RAB6B: variants seen among roughly 807,000 people sequenced by gnomAD.
RAB6B encodes RAB6B, member RAS oncogene family, also known as ras-related protein Rab-6B.
In RAB6B, 7 loss-of-function variants were observed where a neutral mutation model predicts 31.2. That is an observed-to-expected ratio of 0.22 (90% CI 0.13 to 0.42). The LOEUF is 0.42. Ranked by LOEUF, RAB6B falls within the 10% of genes least tolerant of loss-of-function variation. RAB6B has a pLI of 1.00. For missense variants in RAB6B, 149 were observed against 280.6 expected, an observed-to-expected ratio of 0.53 and a Z score of 3.35; for synonymous variants, 105 against 104.9, an observed-to-expected ratio of 1.00 and a Z score of -0.01.
intron 1 of RAB6B, among the ~76,000 whole-genome samples, chr3:133,870,621 A>G (rs372952825): frequency 2.0e-5 from 3 of 152,180 alleles, no homozygotes; most frequent in East Asian, 3.9e-4. Flanking sequence ...CCTGAGCCCA[A>G]GACAACTGGA....
chr3:133,841,562 C>A (rs1024928402), intron 3 of RAB6B, 48 bp downstream of exon 3: 4 of 1,604,316 alleles, frequency 2.5e-6, no homozygotes, highest in Non-Finnish European at 3.4e-6. Context: ...GGGGATAAGC[C>A]CAAAGGAACC....
In RAB6B at chr3:133,895,780, G is replaced by A. The variant is rs1224840965; in HGVS notation, c.-314C>T. On this transcript the variant is annotated 5_prime_UTR_variant, in exon 1 of 8. Coordinates refer to ENST00000285208, the MANE Select transcript of RAB6B (RefSeq NM_016577.4). The stretch of plus-strand genomic sequence containing the variant: ...GCGGCGCTGGGAGAGAGGCGCGGGC[G>A]GAGCGGGGCGCAGGGACGGCGCGCG... The A allele has an allele frequency of 5.6e-6, 2 of 360,256 alleles. No individual in the cohort carries two copies. The highest frequency in any genetic ancestry group is 7.7e-5 in the South Asian group (1 of 13,016). The allele number at this position is 360,256 out of a possible 1,614,324, so 22.3% of individuals were successfully genotyped here. A position where few individuals can be genotyped will look rare whatever the true frequency, so the allele number is the denominator to read the frequency against.
At chr3:133,858,794 C>G (rs187973827) in intron 2 of RAB6B, among the ~76,000 whole-genome samples, 1 of 152,156 alleles carries the variant, frequency 6.6e-6, no homozygotes, top group African/African-American at 2.4e-5. Flanking sequence ...TGCAGCCCTG[C>G]CAACAGCCCA....
intron 2 of RAB6B, among the ~76,000 whole-genome samples, chr3:133,855,320 C>T (rs1449699073): frequency 6.6e-6 from 1 of 152,212 alleles, no homozygotes; most frequent in Non-Finnish European, 1.5e-5. Context: ...GCTCAGAAGG[C>T]CACAGTACGG....
chr3:133,866,088 G>A (rs946775836), intron 1 of RAB6B, among the ~76,000 whole-genome samples: 1 of 152,166 alleles, frequency 6.6e-6, no homozygotes, highest in Non-Finnish European at 1.5e-5. Flanking sequence ...GACTTCAGGG[G>A]GCTGTAGTAA....
chr3:133,874,431 T>C (rs1333706058), intron 1 of RAB6B, among the ~76,000 whole-genome samples: 1 of 152,204 alleles, frequency 6.6e-6, no homozygotes, highest in Non-Finnish European at 1.5e-5. Context: ...TCAGTGGTAT[T>C]TGTGTATCCA....
intron 1 of RAB6B, 81 bp downstream of exon 1, chr3:133,895,316 G>T: frequency 6.8e-7 from 1 of 1,477,174 alleles, no homozygotes; most frequent in Non-Finnish European, 9.4e-7. Context: ...CCGAGCCTGG[G>T]CCGGGGGTCC....
At position 133,825,740 on chromosome 3, in the gene RAB6B, T is replaced by G. The variant is rs1240317628; in HGVS notation, c.*3048A>C. On this transcript the variant is annotated 3_prime_UTR_variant, in exon 8 of 8. Coordinates refer to ENST00000285208, the MANE Select transcript of RAB6B (RefSeq NM_016577.4). The stretch of plus-strand genomic sequence containing the variant: ...GAGCTTTGTTGATAAGCTTTTAAGA[T>G]TCACCCCCTTCACTCCCACCATCCC... The G allele has an allele frequency of 1.3e-5, 2 of 152,208 alleles. No individual in the cohort carries two copies. Among genetic ancestry groups the G allele is most frequent in the Non-Finnish European group, 2.9e-5 (2 of 68,050 alleles). The allele number at this position is 152,208 out of a possible 1,614,324, so 9.4% of individuals were successfully genotyped here.
In RAB6B at chr3:133,849,866, G is replaced by T. The variant is rs1371451815; in HGVS notation, c.130-8203C>A. Among the ~76,000 whole-genome samples the T allele has an allele frequency of 5.9e-5, 9 of 152,168 alleles. No individual in the cohort carries two copies. The East Asian group carries it at 1.7e-3, about 29-fold the overall frequency. ...CTCTCTAAGGACAGAATAGAAACAA[G>T]AACTTTTAAGAGGGCCTTGGCTGGG... On this transcript the variant is annotated intron_variant, in intron 2 of 7. Coordinates refer to ENST00000285208, the MANE Select transcript of RAB6B (RefSeq NM_016577.4).
rs1437865541 is a variant in RAB6B, at chr3:133,826,493, T to G, written c.*2295A>C. 5.2e-5 allele frequency: 8 copies of G among 152,688 alleles called. No individual in the cohort carries two copies. The highest frequency in any genetic ancestry group is 1.0e-4 in the Non-Finnish European group (7 of 68,052). 9.5% of individuals were successfully genotyped at this position (152,688 alleles called of 1,614,324 possible). The stretch of plus-strand genomic sequence containing the variant: ...GCAGATTCCTGTAAATGGGGCGGTC[T>G]CAGAGGCCACAGGTGATGGCCCCCG... On this transcript the variant is annotated 3_prime_UTR_variant, in exon 8 of 8. Coordinates refer to ENST00000285208, the MANE Select transcript of RAB6B (RefSeq NM_016577.4).
chr3:133,876,506 G>T (rs1195022933), intron 1 of RAB6B, among the ~76,000 whole-genome samples: 2 of 152,048 alleles, frequency 1.3e-5, no homozygotes, highest in Non-Finnish European at 2.9e-5. Context: ...TAAGGCAAAA[G>T]TTATGTAAGC....
At chr3:133,841,560 G>A in intron 3 of RAB6B, 50 bp downstream of exon 3, 1 of 1,597,982 alleles carries the variant, frequency 6.3e-7, no homozygotes. Context: ...TAGGGGATAA[G>A]CCCAAAGGAA....
At chr3:133,891,710 A>G (rs1415794910) in intron 1 of RAB6B, among the ~76,000 whole-genome samples, 1 of 152,218 alleles carries the variant, frequency 6.6e-6, no homozygotes, top group Non-Finnish European at 1.5e-5. Context: ...ACAAATGACT[A>G]AACAACTGAG....
chr3:133,835,472 CTGTGTGTGTGTG>C (rs3840183), intron 6 of RAB6B, among the ~76,000 whole-genome samples: 5 of 146,744 alleles, frequency 3.4e-5, no homozygotes, highest in Middle Eastern at 3.5e-3. Flanking sequence ...TGTGGGTTTT[CTGTGTGTGTGTG>C]TGTGTGTGTG....
At chr3:133,844,165 A>G (rs527248310) in intron 2 of RAB6B, among the ~76,000 whole-genome samples, 27 of 152,290 alleles carry the variant, frequency 1.8e-4, no homozygotes, top group African/African-American at 6.5e-4. Context: ...TGCCACTTGG[A>G]TGAAGTCCCA....
At chr3:133,891,159 G>A (rs904242070) in intron 1 of RAB6B, among the ~76,000 whole-genome samples, 2 of 152,142 alleles carry the variant, frequency 1.3e-5, no homozygotes, top group Admixed American at 6.5e-5. Context: ...CAGGCTGCGG[G>A]CAGAGGAGTG....
In RAB6B at chr3:133,828,732, T is replaced by C. The variant is rs749716053; in HGVS notation, c.*56A>G. The C allele has an allele frequency of 3.7e-5, 50 of 1,340,770 alleles. No homozygotes were observed. Among genetic ancestry groups the C allele is most frequent in the Non-Finnish European group, 5.0e-5 (49 of 985,980 alleles). 83.1% of individuals were successfully genotyped at this position (1,340,770 alleles called of 1,614,324 possible). A position where few individuals can be genotyped will look rare whatever the true frequency, so the allele number is the denominator to read the frequency against. On this transcript the variant is annotated 3_prime_UTR_variant, in exon 8 of 8. Coordinates refer to ENST00000285208, the MANE Select transcript of RAB6B (RefSeq NM_016577.4). ...CCTCCCCCCTTAGGAAGCTAGCCAA[T>C]AGGAAGCAACACAACAAGCAAGGAG...
chr3:133,854,269 G>A (rs1467285434), intron 2 of RAB6B, among the ~76,000 whole-genome samples: 1 of 152,202 alleles, frequency 6.6e-6, no homozygotes, highest in African/African-American at 2.4e-5. Context: ...CCCTCTTCTA[G>A]CTTGCCATGG....
At chr3:133,834,525 T>A in intron 7 of RAB6B, 50 bp downstream of exon 7, 1 of 1,555,460 alleles carries the variant, frequency 6.4e-7, no homozygotes, top group East Asian at 2.2e-5. Context: ...ATTCAGTGAA[T>A]AAATGGCTTC....
Sources: gnomAD v4.1 joint callset for allele counts (sites outside exome capture counted in the v4.1 genomes callset) on GRCh38, gnomAD v4.1.1 for gene constraint, MANE v1.5 for transcripts, NCBI Gene and HGNC (gene_info 2026-07-23, HGNC 2026-07-21) for gene names.